The following PLEKHA5 variants were observed in gnomAD, a reference collection of about 807,000 sequenced individuals.
The protein encoded by PLEKHA5 is pleckstrin homology domain-containing family A member 5.
In PLEKHA5, 55 loss-of-function variants were observed where a neutral mutation model predicts 181.9. The ratio of observed to expected loss-of-function variants is 0.30; its 90% CI spans 0.24 to 0.38. The LOEUF (loss-of-function observed/expected upper bound fraction) is 0.38, where lower values mean the gene tolerates loss of function less well. PLEKHA5 is among the 10% of genes least tolerant of loss of function. The probability of loss-of-function intolerance (pLI) is 1.00; values close to 1 mark genes in which losing one functional copy is unlikely to be tolerated. For missense variants in PLEKHA5, 1,432 were observed against 1,549.5 expected, an observed-to-expected ratio of 0.92 and a Z score of 1.27; for synonymous variants, 535 against 529.4, an observed-to-expected ratio of 1.01 and a Z score of -0.15.
intron 16 of PLEKHA5, among the ~76,000 whole-genome samples, chr12:19,315,610 A>G (rs554952799): frequency 1.3e-5 from 2 of 152,270 alleles, no homozygotes; most frequent in Middle Eastern, 6.8e-3. Flanking sequence ...GTTTCTAGCT[A>G]TGTGTTTCTC....
chr12:19,315,391 T>G (rs987319453), intron 16 of PLEKHA5, among the ~76,000 whole-genome samples: 2 of 152,186 alleles, frequency 1.3e-5, no homozygotes, highest in Non-Finnish European at 2.9e-5. Context: ...AGATAGCCAC[T>G]TTTTAACATA....
At chr12:19,320,152 T>G in intron 17 of PLEKHA5, 96 bp downstream of exon 17, 1 of 480,824 alleles carries the variant, frequency 2.1e-6, no homozygotes, top group Non-Finnish European at 3.6e-6. Context: ...CAGTGTGTGT[T>G]TATGTATATA....
intron 3 of PLEKHA5, among the ~76,000 whole-genome samples, chr12:19,189,705 C>T (rs1384971528): frequency 2.0e-5 from 3 of 152,136 alleles, no homozygotes; most frequent in Non-Finnish European, 1.5e-5. Flanking sequence ...CTCATATCAA[C>T]ATATTCATGC....
chr12:19,260,735 A>T (rs763992441), intron 6 of PLEKHA5, among the ~76,000 whole-genome samples: 1 of 152,018 alleles, frequency 6.6e-6, no homozygotes. Flanking sequence ...TGGCAGGCGC[A>T]TGTAACCCCA....
chr12:19,300,430 A>G (rs1187220570), intron 15 of PLEKHA5, among the ~76,000 whole-genome samples: 1 of 152,222 alleles, frequency 6.6e-6, no homozygotes, highest in Non-Finnish European at 1.5e-5. Flanking sequence ...AATATTATAA[A>G]TACTATTTTA....
rs2093237768 is a variant in PLEKHA5 at position 19,334,832 on chromosome 12, ATATATATATATATATATATAT to A, written c.2449-1682_2449-1662del. The stretch of plus-strand genomic sequence containing the variant: ...TCCTGTCTTCACAAAAAAAAAAAAT[ATATATATATATATATATATAT>A]ATATATATATATATATCTCTGTATA... On this transcript the variant is annotated intron_variant, in intron 20 of 31. Transcript: ENST00000429027. Among the ~76,000 whole-genome samples the A allele has an allele frequency of 7.9e-4, 20 of 25,344 alleles. 4 individuals are homozygous for A. The highest frequency in any genetic ancestry group is 6.4e-3 in the South Asian group (4 of 624). 16.6% of individuals were successfully genotyped at this position (25,344 alleles called of 152,430 possible).
At chr12:19,267,737 G>A (rs993213803) in intron 8 of PLEKHA5, among the ~76,000 whole-genome samples, 1 of 151,722 alleles carries the variant, frequency 6.6e-6, no homozygotes. Flanking sequence ...GCTGAGGCTG[G>A]CAGATCACCT....
chr12:19,271,308 C>T (rs532552586), intron 10 of PLEKHA5, among the ~76,000 whole-genome samples: 1 of 152,168 alleles, frequency 6.6e-6, no homozygotes, highest in East Asian at 1.9e-4. Context: ...ATTTTGAGAT[C>T]AGCCTGGGCA....
rs1319442037 is a variant in PLEKHA5, at chr12:19,376,162, A to G, written c.*643A>G. 6.6e-6 allele frequency: 1 copy of G among 152,188 alleles called. No homozygotes were observed. The highest frequency in any genetic ancestry group is 1.5e-5 in the Non-Finnish European group (1 of 67,950). The allele number at this position is 152,188 out of a possible 1,614,324, so 9.4% of individuals were successfully genotyped here. The stretch of plus-strand genomic sequence containing the variant: ...TTATCTTTTCTTAAAAAAAAAAAAA[A>G]CAAAGTGTAGGTATTTTGAAGTACT... On this transcript the variant is annotated 3_prime_UTR_variant, in exon 32 of 32. Transcript: ENST00000429027.
intron 3 of PLEKHA5, among the ~76,000 whole-genome samples, chr12:19,251,048 G>T (rs1181644162): frequency 2.0e-5 from 3 of 152,160 alleles, no homozygotes; most frequent in African/African-American, 7.2e-5. Context: ...GTAACTGAGT[G>T]TTGAAAGGGT....
intron 12 of PLEKHA5, among the ~76,000 whole-genome samples, chr12:19,286,994 C>T (rs1034466639): frequency 6.6e-6 from 1 of 150,938 alleles, no homozygotes; most frequent in Non-Finnish European, 1.5e-5. Context: ...AATTACTCTG[C>T]TCATCCACAT....
At chr12:19,195,287 C>G (rs2052371475) in intron 3 of PLEKHA5, among the ~76,000 whole-genome samples, 1 of 152,108 alleles carries the variant, frequency 6.6e-6, no homozygotes, top group Non-Finnish European at 1.5e-5. Flanking sequence ...CTCCCACAAC[C>G]CCTTTTTCCC....
chr12:19,318,018 ATTTAC>A, intron 16 of PLEKHA5, among the ~76,000 whole-genome samples: 1 of 149,788 alleles, frequency 6.7e-6, no homozygotes, highest in South Asian at 2.1e-4. Context: ...TGCTCATGAA[ATTTAC>A]TTTTCTTTTT....
chr12:19,274,447 G>A (rs769645154), intron 10 of PLEKHA5, 69 bp from the exon 11 acceptor site: 1 of 1,107,386 alleles, frequency 9.0e-7, no homozygotes, highest in Non-Finnish European at 1.3e-6. Flanking sequence ...ATTTTTCCTA[G>A]ATTGAATCCC....
intron 20 of PLEKHA5, among the ~76,000 whole-genome samples, chr12:19,326,967 T>G (rs1379344243): frequency 1.3e-5 from 2 of 152,220 alleles, no homozygotes; most frequent in Non-Finnish European, 2.9e-5. Context: ...AGTCCACCAT[T>G]GATGGGCATC....
At chr12:19,245,036 G>A (rs1290809713) in intron 3 of PLEKHA5, among the ~76,000 whole-genome samples, 1 of 152,138 alleles carries the variant, frequency 6.6e-6, no homozygotes, top group Non-Finnish European at 1.5e-5. Context: ...ATTATGAAAG[G>A]TAGTGTGTAG....
chr12:19,266,728 G>A (rs1471267271), intron 8 of PLEKHA5, among the ~76,000 whole-genome samples: 2 of 152,136 alleles, frequency 1.3e-5, no homozygotes, highest in East Asian at 1.9e-4. Context: ...AGGTTGCAGT[G>A]AGCCAAGATT....
At chr12:19,293,981 T>C (rs2079124424) in intron 15 of PLEKHA5, among the ~76,000 whole-genome samples, 1 of 152,212 alleles carries the variant, frequency 6.6e-6, no homozygotes, top group African/African-American at 2.4e-5. Flanking sequence ...TCTCTCAACA[T>C]CTCACCAAAG....
chr12:19,327,957 T>C (rs557085632), intron 20 of PLEKHA5, among the ~76,000 whole-genome samples: 2 of 152,142 alleles, frequency 1.3e-5, no homozygotes, highest in African/African-American at 2.4e-5. Context: ...AGGATTCTTA[T>C]AGTTTGAGGC....
Sources: gnomAD v4.1 joint callset for allele counts (sites outside exome capture counted in the v4.1 genomes callset) on GRCh38, gnomAD v4.1.1 for gene constraint, MANE v1.5 for transcripts, NCBI Gene and HGNC (gene_info 2026-07-23, HGNC 2026-07-21) for gene names.